ADAM22: variants seen among roughly 807,000 people sequenced by gnomAD.
The protein encoded by ADAM22 is disintegrin and metalloproteinase domain-containing protein 22.
Under a neutral mutation model 144.6 loss-of-function variants are expected in ADAM22, and 65 were observed. That is an observed-to-expected ratio of 0.45 (90% confidence interval 0.37 to 0.55). ADAM22 has a LOEUF of 0.55. Ranked by LOEUF, ADAM22 falls within the 20% of genes least tolerant of loss-of-function variation. ADAM22 has a pLI of 0.00. For missense variants in ADAM22, 974 were observed against 1,184.9 expected (o/e 0.82, Z 2.61); for synonymous variants, 391 against 412.6 (o/e 0.95, Z 0.63).
intron 3 of ADAM22, among the ~76,000 whole-genome samples, chr7:87,982,068 TACACACACACACACACACAC>T: frequency 1.1e-5 from 1 of 93,744 alleles, no homozygotes; most frequent in East Asian, 3.8e-4. Context: ...TATATATATA[TACACACACACACACACACAC>T]ACACACACAC....
rs183289785 is a variant in ADAM22 at position 88,039,497 on chromosome 7, C to T, written c.324-36129C>T. 4.1e-4 allele frequency among the ~76,000 whole-genome samples: 52 copies of T among 127,308 alleles called. 1 individual carries two copies. The East Asian group carries it at 0.011, about 27-fold the overall frequency. The allele number at this position is 127,308 out of a possible 152,430, so 83.5% of individuals were successfully genotyped here. On this transcript the variant is annotated intron_variant, in intron 3 of 31. Coordinates refer to ENST00000413139, the MANE Select transcript of ADAM22 (RefSeq NM_001324418.2). Reference sequence around the variant, plus strand: ...TATATATATATATACATTTCATGTACGGTGGCTATAATCTGAACCTGATTT... The same window carrying T: ...TATATATATATATACATTTCATGTATGGTGGCTATAATCTGAACCTGATTT...
intron 3 of ADAM22, among the ~76,000 whole-genome samples, chr7:88,035,478 C>T (rs570050200): frequency 6.6e-6 from 1 of 152,282 alleles, no homozygotes; most frequent in Admixed American, 6.5e-5. Flanking sequence ...AGCAGATTTC[C>T]AGCACAATGT....
At chr7:88,180,180 A>G (rs1563408080) in intron 27 of ADAM22, among the ~76,000 whole-genome samples, 1 of 152,154 alleles carries the variant, frequency 6.6e-6, no homozygotes, top group Non-Finnish European at 1.5e-5. Flanking sequence ...CAGCAAAAGT[A>G]GAAACACTAG....
intron 3 of ADAM22, among the ~76,000 whole-genome samples, chr7:88,067,950 A>G (rs1811715195): frequency 6.6e-6 from 1 of 152,208 alleles, no homozygotes; most frequent in South Asian, 2.1e-4. Flanking sequence ...CAAAAATCAG[A>G]TATTTAATAA....
At chr7:87,978,175 T>G (rs1171695927) in intron 2 of ADAM22, among the ~76,000 whole-genome samples, 161 bp from the exon 3 acceptor site, 1 of 152,242 alleles carries the variant, frequency 6.6e-6, no homozygotes, top group Admixed American at 6.5e-5. Context: ...GCTTGGCTTC[T>G]AAGAAGGTGT....
intron 2 of ADAM22, among the ~76,000 whole-genome samples, chr7:87,968,580 G>A (rs1475475936): frequency 3.9e-5 from 6 of 152,062 alleles, no homozygotes; most frequent in Non-Finnish European, 7.4e-5. Flanking sequence ...AAATAGCTGA[G>A]TATGGTGGCA....
At chr7:88,044,791 T>A (rs1169034718) in intron 3 of ADAM22, among the ~76,000 whole-genome samples, 1 of 151,714 alleles carries the variant, frequency 6.6e-6, no homozygotes, top group African/African-American at 2.4e-5. Context: ...AGTGGCGCGA[T>A]CTCGGCTCAC....
Position 88,201,585 on chromosome 7 carries a change from T to C in ADAM22, c.*5094T>C, listed in dbSNP as rs932608462. 53 of 152,180 alleles carry C rather than the reference T, an allele frequency of 3.5e-4. 2 individuals are homozygous for C. Among genetic ancestry groups the C allele is most frequent in the Non-Finnish European group, 8.8e-5 (6 of 68,062 alleles). The allele number at this position is 152,180 out of a possible 1,614,324, so 9.4% of individuals were successfully genotyped here. A position where few individuals can be genotyped will look rare whatever the true frequency, so the allele number is the denominator to read the frequency against. ...TGACTCTGAATACTTTGTGGTCCAG[T>C]CCATAATAGGCCAGTCACTCCTGCC... On this transcript the variant is annotated 3_prime_UTR_variant, in exon 32 of 32. Transcript: ENST00000413139.
At chr7:88,004,078 T>C (rs1300192825) in intron 3 of ADAM22, among the ~76,000 whole-genome samples, 2 of 152,234 alleles carry the variant, frequency 1.3e-5, no homozygotes, top group East Asian at 1.9e-4. Flanking sequence ...TGGAGCCTTC[T>C]TGGGGATTTG....
Position 87,934,407 on chromosome 7 carries a change from T to C in ADAM22, c.-59T>C, listed in dbSNP as rs1840660378. 1 of 1,515,486 alleles carries C rather than the reference T, an allele frequency of 6.6e-7. No homozygotes were observed. Among genetic ancestry groups the C allele is most frequent in the Non-Finnish European group, 8.9e-7 (1 of 1,129,854 alleles). 93.9% of individuals were successfully genotyped at this position (1,515,486 alleles called of 1,614,324 possible). A position where few individuals can be genotyped will look rare whatever the true frequency, so the allele number is the denominator to read the frequency against. ...GGGGCGCGGAGCGAGGGAAACGGAC[T>C]CGGCGGCGCCGGCATGAGGAGCTGA... is the stretch of plus-strand genomic sequence containing the variant. On this transcript the variant is annotated 5_prime_UTR_variant, in exon 1 of 32. Coordinates refer to ENST00000413139, the MANE Select transcript of ADAM22 (RefSeq NM_001324418.2).
intron 3 of ADAM22, among the ~76,000 whole-genome samples, chr7:88,056,837 G>C (rs1002668582): frequency 6.6e-6 from 1 of 152,128 alleles, no homozygotes; most frequent in Non-Finnish European, 1.5e-5. Flanking sequence ...ATGATTATTA[G>C]CTCTGAAAAT....
intron 4 of ADAM22, among the ~76,000 whole-genome samples, chr7:88,104,292 G>A (rs1280786908): frequency 6.6e-6 from 1 of 152,000 alleles, no homozygotes; most frequent in African/African-American, 2.4e-5. Flanking sequence ...AAGTGAAAAG[G>A]ATATATGGAT....
At chr7:88,042,119 C>A (rs1383944605) in intron 3 of ADAM22, among the ~76,000 whole-genome samples, 1 of 151,936 alleles carries the variant, frequency 6.6e-6, no homozygotes, top group Non-Finnish European at 1.5e-5. Context: ...AATCATTTCT[C>A]CAATCTAAGA....
intron 30 of ADAM22, among the ~76,000 whole-genome samples, chr7:88,191,879 T>C (rs905727037): frequency 1.3e-5 from 2 of 152,220 alleles, no homozygotes; most frequent in East Asian, 1.9e-4. Flanking sequence ...TCACTACTAC[T>C]ATCTTAGGGT....
Position 88,067,257 on chromosome 7 carries a change from A to T in ADAM22, c.324-8369A>T, listed in dbSNP as rs542246994. On this transcript the variant is annotated intron_variant, in intron 3 of 31. Coordinates refer to ENST00000413139, the MANE Select transcript of ADAM22 (RefSeq NM_001324418.2). ...GGTACCTTGGCTTTTTTTTTTTTTT[A>T]AATTATACTTTAAGTTTTAGGGTAC... is the stretch of plus-strand genomic sequence containing the variant. Among the ~76,000 whole-genome samples the T allele has an allele frequency of 8.8e-3, 1,256 of 142,558 alleles. 14 individuals carry two copies. The highest frequency in any genetic ancestry group is 0.039 in the East Asian group (191 of 4,918). 93.5% of individuals were successfully genotyped at this position (142,558 alleles called of 152,430 possible).
chr7:88,062,705 T>C (rs1382625937), intron 3 of ADAM22, among the ~76,000 whole-genome samples: 1 of 152,240 alleles, frequency 6.6e-6, no homozygotes, highest in Non-Finnish European at 1.5e-5. Flanking sequence ...TCAACATGCC[T>C]TCCTCACTAA....
intron 2 of ADAM22, among the ~76,000 whole-genome samples, chr7:87,936,567 G>A (rs1418655759): frequency 6.6e-6 from 1 of 152,026 alleles, no homozygotes; most frequent in African/African-American, 2.4e-5. Flanking sequence ...AGCAACTCAT[G>A]GCCAATCTTG....
In ADAM22 at chr7:88,201,344, A is replaced by G. The variant is rs1851189239; in HGVS notation, c.*4853A>G. On this transcript the variant is annotated 3_prime_UTR_variant, in exon 32 of 32. Transcript: ENST00000413139. ...GGAAGTCACTGGGAGATGAGTCCTA[A>G]AAGCCTGAATTTCAGGATGGGGAGG... 3 of 152,272 alleles carry G rather than the reference A, an allele frequency of 2.0e-5. No homozygotes were observed. The highest frequency in any genetic ancestry group is 7.2e-5 in the African/African-American group (3 of 41,452). The allele number at this position is 152,272 out of a possible 1,614,324, so 9.4% of individuals were successfully genotyped here. A position where few individuals can be genotyped will look rare whatever the true frequency, so the allele number is the denominator to read the frequency against.
At chr7:88,049,871 T>A (rs1270830520) in intron 3 of ADAM22, among the ~76,000 whole-genome samples, 1 of 150,908 alleles carries the variant, frequency 6.6e-6, no homozygotes, top group African/African-American at 2.4e-5. Flanking sequence ...ATATATTATT[T>A]TATATAAAAT....
Sources: allele counts gnomAD v4.1 joint callset (sites outside exome capture counted in the v4.1 genomes callset), GRCh38; gene constraint gnomAD v4.1.1; transcripts MANE v1.5; gene names NCBI Gene and HGNC (gene_info 2026-07-23, HGNC 2026-07-21).